Variants in BNC2 observed in about 807,000 individuals in gnomAD.
BNC2 encodes the protein zinc finger protein basonuclin-2.
Under a neutral mutation model 76.3 loss-of-function variants are expected in BNC2, and 20 were observed. The ratio of observed to expected loss-of-function variants is 0.26; its 90% CI spans 0.18 to 0.38. BNC2 has a LOEUF of 0.38. Ranked by LOEUF, BNC2 falls within the 10% of genes least tolerant of loss-of-function variation. The pLI, the probability that BNC2 is intolerant of heterozygous loss-of-function variation, is 1.00. For missense variants in BNC2, 1,382 were observed against 1,399.8 expected, an observed-to-expected ratio of 0.99 and a Z score of 0.20; for synonymous variants, 582 against 514.8, an observed-to-expected ratio of 1.13 and a Z score of -1.77.
At chr9:16,842,127 G>A (rs537244021) in intron 1 of BNC2, among the ~76,000 whole-genome samples, 1 of 152,074 alleles carries the variant, frequency 6.6e-6, no homozygotes, top group Non-Finnish European at 1.5e-5. Flanking sequence ...ATTATTTAAT[G>A]CACATATTTT....
chr9:16,804,711 T>C (rs574563133), intron 1 of BNC2, among the ~76,000 whole-genome samples: 2 of 152,326 alleles, frequency 1.3e-5, no homozygotes, highest in East Asian at 1.9e-4. Flanking sequence ...GGTGCATTTA[T>C]TTCACATGTC....
In BNC2 at chr9:16,499,889, A is replaced by T. The variant is rs138840287; in HGVS notation, c.669+52641T>A. 5.7e-3 allele frequency among the ~76,000 whole-genome samples: 867 copies of T among 152,020 alleles called. 10 individuals are homozygous for T. The highest frequency in any genetic ancestry group is 0.02 in the African/African-American group (828 of 41,478). On this transcript the variant is annotated intron_variant, in intron 5 of 6. Coordinates refer to ENST00000380672, the MANE Select transcript of BNC2 (RefSeq NM_017637.6). ...TTCTCCTGGCTAAGAAAATATGATC[A>T]ATCTTCATTCTAACTACTCAATTTA...
In BNC2 at chr9:16,861,181, A is replaced by AAT. The variant is rs71327866; in HGVS notation, c.3+9463_3+9464dup. On this transcript the variant is annotated intron_variant, in intron 1 of 6. Transcript: ENST00000380672. ...ACATGGTAATACCCTATCTCTACAA[A>AAT]ATATATATATATATATATATAAATT... Among the ~76,000 whole-genome samples the AAT allele has an allele frequency of 9.2e-3, 1,216 of 131,736 alleles. 95 individuals carry two copies. Among genetic ancestry groups the AAT allele is most frequent in the African/African-American group, 0.034 (1,089 of 32,104 alleles). The allele number at this position is 131,736 out of a possible 152,430, so 86.4% of individuals were successfully genotyped here. A position where few individuals can be genotyped will look rare whatever the true frequency, so the allele number is the denominator to read the frequency against.
chr9:16,838,429 C>T (rs1050746836), intron 1 of BNC2, among the ~76,000 whole-genome samples: 6 of 152,180 alleles, frequency 3.9e-5, no homozygotes, highest in African/African-American at 7.2e-5. Context: ...GGTGTGGTGG[C>T]GCATGCCTAT....
At chr9:16,682,539 G>C (rs1367987003) in intron 3 of BNC2, among the ~76,000 whole-genome samples, 1 of 152,042 alleles carries the variant, frequency 6.6e-6, no homozygotes, top group Non-Finnish European at 1.5e-5. Context: ...GCAGACCAGA[G>C]AGCAGCCACA....
chr9:16,724,689 T>C (rs1486281201), intron 3 of BNC2, among the ~76,000 whole-genome samples: 3 of 152,140 alleles, frequency 2.0e-5, no homozygotes, highest in South Asian at 2.1e-4. Context: ...AAGATGTACA[T>C]TTAAGCAGAT....
intron 3 of BNC2, among the ~76,000 whole-genome samples, chr9:16,604,453 C>T (rs1302545386): frequency 6.6e-6 from 1 of 152,046 alleles, no homozygotes. Context: ...CAGATGGCTA[C>T]AAAACTATGC....
intron 3 of BNC2, among the ~76,000 whole-genome samples, chr9:16,602,561 C>G (rs774877968): frequency 4.5e-4 from 68 of 152,094 alleles, no homozygotes; most frequent in Non-Finnish European, 7.8e-4. Flanking sequence ...TGCCACATAC[C>G]CCCTCAGTGC....
intron 5 of BNC2, among the ~76,000 whole-genome samples, chr9:16,475,293 C>T (rs1821904844): frequency 6.6e-6 from 1 of 152,198 alleles, no homozygotes; most frequent in Non-Finnish European, 1.5e-5. Flanking sequence ...ATTATATATA[C>T]TTGCCTCTTA....
intron 6 of BNC2, among the ~76,000 whole-genome samples, chr9:16,420,775 T>TATGTTATCATCTATCTGGAAACATTG: frequency 6.6e-6 from 1 of 152,268 alleles, no homozygotes; most frequent in Admixed American, 6.5e-5. Flanking sequence ...CAAAGCCTGA[T>TATGTTATCATCTATCTGGAAACATTG]ATGTTATCAT....
chr9:16,749,880 T>C (rs183204122), intron 1 of BNC2, among the ~76,000 whole-genome samples: 1 of 152,290 alleles, frequency 6.6e-6, no homozygotes, highest in East Asian at 1.9e-4. Context: ...TTATGTTTCA[T>C]CTAGGAATGG....
chr9:16,762,886 C>CT (rs1333977580), intron 1 of BNC2, among the ~76,000 whole-genome samples: 1 of 152,076 alleles, frequency 6.6e-6, no homozygotes, highest in Non-Finnish European at 1.5e-5. Flanking sequence ...ACTTAAAGTG[C>CT]TTTAATGACT....
chr9:16,669,840 G>A (rs554127121), intron 3 of BNC2, among the ~76,000 whole-genome samples: 29 of 152,158 alleles, frequency 1.9e-4, no homozygotes, highest in Non-Finnish European at 3.7e-4. Context: ...AAGCAAAAAC[G>A]TGTTAGAAAC....
Position 16,424,246 on chromosome 9 carries a change from T to C in BNC2, c.2640-4597A>G, listed in dbSNP as rs542665803. Reference sequence around the variant, plus strand: ...TGAGGTTTTAAACTTGGCTTTAAGATATCGGGGAGACACGAAAAAGAAAAA... The same window carrying C: ...TGAGGTTTTAAACTTGGCTTTAAGACATCGGGGAGACACGAAAAAGAAAAA... On this transcript the variant is annotated intron_variant, in intron 6 of 6. Transcript: ENST00000380672. Among the ~76,000 whole-genome samples the C allele has an allele frequency of 2.0e-5, 3 of 149,380 alleles. No individual in the cohort carries two copies. In the East Asian group the frequency reaches 5.9e-4, roughly 29 times the overall value.
intron 3 of BNC2, among the ~76,000 whole-genome samples, chr9:16,586,472 T>A (rs1819774181): frequency 6.6e-6 from 1 of 152,168 alleles, no homozygotes; most frequent in African/African-American, 2.4e-5. Context: ...AATGTTCTCA[T>A]CCCATCTGGT....
intron 5 of BNC2, among the ~76,000 whole-genome samples, chr9:16,472,691 G>A (rs1821851051): frequency 6.6e-6 from 1 of 152,142 alleles, no homozygotes; most frequent in Non-Finnish European, 1.5e-5. Context: ...GCTGCTTTAT[G>A]GAACTTTAGA....
chr9:16,486,604 T>A (rs1453531028), intron 5 of BNC2, among the ~76,000 whole-genome samples: 1 of 152,236 alleles, frequency 6.6e-6, no homozygotes, highest in East Asian at 1.9e-4. Context: ...CTCAGAAACA[T>A]TTAATGACAC....
intron 3 of BNC2, among the ~76,000 whole-genome samples, chr9:16,655,755 C>G (rs912223431): frequency 6.6e-6 from 1 of 152,162 alleles, no homozygotes; most frequent in African/African-American, 2.4e-5. Context: ...CCAAACTGTT[C>G]CAAATGGCAA....
At chr9:16,606,136 T>G (rs1057382337) in intron 3 of BNC2, among the ~76,000 whole-genome samples, 1 of 152,196 alleles carries the variant, frequency 6.6e-6, no homozygotes, top group Non-Finnish European at 1.5e-5. Context: ...ATTTGAGTCC[T>G]AAGTAAGAGA....
Sources: gnomAD v4.1 joint callset for allele counts (sites outside exome capture counted in the v4.1 genomes callset) on GRCh38, gnomAD v4.1.1 for gene constraint, MANE v1.5 for transcripts, NCBI Gene and HGNC (gene_info 2026-07-23, HGNC 2026-07-21) for gene names.